The following RAP1A variants were observed in gnomAD, a reference collection of about 807,000 sequenced individuals.
RAP1A encodes the protein RAP1A, member of RAS oncogene family, also known as ras-related protein Rap-1A.
RAP1A carries 6 observed loss-of-function variants against 26.4 expected under a neutral mutation model. The ratio of observed to expected loss-of-function variants is 0.23; its 90% CI spans 0.12 to 0.45. RAP1A has a LOEUF of 0.45. Ranked by LOEUF, RAP1A falls within the 20% of genes least tolerant of loss-of-function variation. The probability of loss-of-function intolerance (pLI) is 0.99; values close to 1 mark genes in which losing one functional copy is unlikely to be tolerated. For synonymous variants in RAP1A, 73 were observed against 79.4 expected (o/e 0.92, Z 0.43); for missense variants, 121 against 217.2 (o/e 0.56, Z 2.78).
chr1:111,582,346 C>G (rs906551642), intron 1 of RAP1A, among the ~76,000 whole-genome samples: 1 of 152,192 alleles, frequency 6.6e-6, no homozygotes, highest in Non-Finnish European at 1.5e-5. Flanking sequence ...AAGTCAGCAG[C>G]TCTTAATTTT....
chr1:111,675,233 G>A (rs1419112527), intron 1 of RAP1A, among the ~76,000 whole-genome samples: 1 of 152,160 alleles, frequency 6.6e-6, no homozygotes, highest in Non-Finnish European at 1.5e-5. Context: ...TGTAATCCCA[G>A]CACTTTGGGA....
At position 111,648,447 on chromosome 1, in the gene RAP1A, C is replaced by G. The variant is rs370897827; in HGVS notation, c.-28+28513C>G. The G allele has an allele frequency of 7.0e-5, 39 of 556,352 alleles. 1 individual carries two copies. The highest frequency in any genetic ancestry group is 3.8e-4 in the East Asian group (10 of 25,978). The allele number at this position is 556,352 out of a possible 1,614,324, so 34.5% of individuals were successfully genotyped here. ...TCTTCCAGCAGGTGGTGGTAGGTGG[C>G]GATCTCAGCCTCTAGTTTGACCTTG... On this transcript the variant is annotated intron_variant, in intron 1 of 7. Coordinates refer to ENST00000369709, the MANE Select transcript of RAP1A (RefSeq NM_002884.4).
intron 1 of RAP1A, among the ~76,000 whole-genome samples, chr1:111,634,189 A>T (rs1350496840): frequency 6.6e-6 from 1 of 152,226 alleles, no homozygotes; most frequent in Non-Finnish European, 1.5e-5. Context: ...AGGTGATTTT[A>T]AAAACATTCA....
At chr1:111,569,416 A>G (rs1419634963) in intron 1 of RAP1A, among the ~76,000 whole-genome samples, 1 of 148,926 alleles carries the variant, frequency 6.7e-6, no homozygotes, top group African/African-American at 2.5e-5. Flanking sequence ...AAAAAGTTAC[A>G]CTTGGATTTC....
chr1:111,649,706 A>G (rs910117923), intron 1 of RAP1A, among the ~76,000 whole-genome samples: 4 of 152,206 alleles, frequency 2.6e-5, no homozygotes, highest in Admixed American at 2.0e-4. Context: ...GTTCCCATAG[A>G]ATTTTTAGCA....
chr1:111,654,970 A>T (rs545601135), intron 1 of RAP1A, among the ~76,000 whole-genome samples: 5 of 151,964 alleles, frequency 3.3e-5, no homozygotes, highest in African/African-American at 1.2e-4. Flanking sequence ...CAGGAGTTGG[A>T]GGCTGCACTA....
At chr1:111,638,579 C>G (rs1265133350) in intron 1 of RAP1A, among the ~76,000 whole-genome samples, 2 of 152,148 alleles carry the variant, frequency 1.3e-5, no homozygotes, top group Non-Finnish European at 2.9e-5. Context: ...CGCATGCCAA[C>G]ATGCCTGGCT....
At chr1:111,636,540 A>G (rs978888382) in intron 1 of RAP1A, among the ~76,000 whole-genome samples, 1 of 151,214 alleles carries the variant, frequency 6.6e-6, no homozygotes, top group Non-Finnish European at 1.5e-5. Context: ...CTGGAGTGCA[A>G]TGATGTGATC....
chr1:111,591,991 A>G (rs1342458730), intron 1 of RAP1A, among the ~76,000 whole-genome samples: 2 of 152,200 alleles, frequency 1.3e-5, no homozygotes. Flanking sequence ...TCTGGACTCT[A>G]TCCCACGCCC....
chr1:111,642,977 G>A (rs1337584265), intron 1 of RAP1A, among the ~76,000 whole-genome samples: 1 of 150,256 alleles, frequency 6.7e-6, no homozygotes, highest in Non-Finnish European at 1.5e-5. Flanking sequence ...TCACCGTGTT[G>A]GTCAGGCTGG....
chr1:111,568,680 G>T (rs1392359403), intron 1 of RAP1A, among the ~76,000 whole-genome samples: 1 of 152,060 alleles, frequency 6.6e-6, no homozygotes, highest in Admixed American at 6.5e-5. Flanking sequence ...AACAACACAG[G>T]TTCAAACTGC....
intron 1 of RAP1A, among the ~76,000 whole-genome samples, chr1:111,646,120 A>G (rs539918165): frequency 6.6e-5 from 10 of 152,228 alleles, no homozygotes; most frequent in Non-Finnish European, 1.3e-4. Flanking sequence ...ATTTTTATAT[A>G]GTTGAAGGCA....
intron 1 of RAP1A, among the ~76,000 whole-genome samples, chr1:111,688,482 G>A (rs140127410): frequency 6.6e-6 from 1 of 151,780 alleles, no homozygotes; most frequent in Non-Finnish European, 1.5e-5. Context: ...ACCACGCCCA[G>A]CTAATTTTTT....
At position 111,715,668 on chromosome 1, in the gene RAP1A, T is replaced by C. The variant is rs189853673; in HGVS notation, c.*3267T>C. 2.7e-4 allele frequency: 41 copies of C among 152,262 alleles called. No homozygotes were observed. The highest frequency in any genetic ancestry group is 7.2e-4 in the Admixed American group (11 of 15,294). 9.4% of individuals were successfully genotyped at this position (152,262 alleles called of 1,614,324 possible). The stretch of plus-strand genomic sequence containing the variant: ...TGGCACCTTGATTTGCCATCATAAA[T>C]GGCCACCATTTACTCCTCACTGAAA... On this transcript the variant is annotated 3_prime_UTR_variant, in exon 8 of 8. Coordinates refer to ENST00000369709, the MANE Select transcript of RAP1A (RefSeq NM_002884.4).
intron 1 of RAP1A, among the ~76,000 whole-genome samples, chr1:111,573,428 G>T (rs918218135): frequency 6.6e-6 from 1 of 151,610 alleles, no homozygotes; most frequent in Non-Finnish European, 1.5e-5. Context: ...TTTGCCTCCC[G>T]GGTTGAAGCA....
chr1:111,659,483 T>C (rs562217177), intron 1 of RAP1A, among the ~76,000 whole-genome samples: 1 of 152,092 alleles, frequency 6.6e-6, no homozygotes, highest in African/African-American at 2.4e-5. Context: ...TAGTTGGGTC[T>C]TGTTTCTTTA....
intron 1 of RAP1A, among the ~76,000 whole-genome samples, chr1:111,546,890 A>G (rs912750755): frequency 2.6e-5 from 4 of 152,168 alleles, no homozygotes; most frequent in Admixed American, 1.3e-4. Flanking sequence ...TCCTACTAGC[A>G]GTTCCCAAGG....
intron 3 of RAP1A, among the ~76,000 whole-genome samples, chr1:111,696,812 A>G (rs1661844387): frequency 6.6e-6 from 1 of 152,222 alleles, no homozygotes; most frequent in Non-Finnish European, 1.5e-5. Flanking sequence ...GGGTAAATAG[A>G]ACTCAGTGTA....
At chr1:111,660,961 TTATAAACC>T (rs1474644241) in intron 1 of RAP1A, among the ~76,000 whole-genome samples, 1 of 152,244 alleles carries the variant, frequency 6.6e-6, no homozygotes, top group Non-Finnish European at 1.5e-5. Flanking sequence ...CTCTTCTAGA[TTATAAACC>T]TACATGCCAT....
Sources: gnomAD v4.1 joint callset for allele counts (sites outside exome capture counted in the v4.1 genomes callset) on GRCh38, gnomAD v4.1.1 for gene constraint, MANE v1.5 for transcripts, NCBI Gene and HGNC (gene_info 2026-07-23, HGNC 2026-07-21) for gene names.